RNGTT: variants seen among roughly 807,000 people sequenced by gnomAD.
RNGTT encodes RNA guanylyltransferase and 5'-phosphatase, also known as mRNA-capping enzyme.
A neutral mutation model predicts 79.3 loss-of-function variants in RNGTT; 33 were observed. The observed-to-expected ratio is 0.42, with a 90% CI of 0.32 to 0.56. RNGTT has a LOEUF of 0.56. RNGTT is among the 20% of genes least tolerant of loss of function. The pLI is 0.17. For missense variants in RNGTT, 497 were observed against 739.1 expected (o/e 0.67, Z 3.80); for synonymous variants, 222 against 235.9 (o/e 0.94, Z 0.54).
At chr6:88,819,343 C>A (rs1314233531) in intron 11 of RNGTT, among the ~76,000 whole-genome samples, 1 of 151,836 alleles carries the variant, frequency 6.6e-6, no homozygotes. Context: ...AAAGGCAAGG[C>A]GGGGCTCATG....
At chr6:88,961,569 T>C (rs1181984993) in intron 1 of RNGTT, among the ~76,000 whole-genome samples, 8 of 152,238 alleles carry the variant, frequency 5.3e-5, no homozygotes, top group African/African-American at 1.9e-4. Context: ...CCCGAGTAGC[T>C]GGGATTACAG....
intron 14 of RNGTT, among the ~76,000 whole-genome samples, chr6:88,630,517 C>T (rs1362087856): frequency 6.6e-6 from 1 of 152,200 alleles, no homozygotes; most frequent in Non-Finnish European, 1.5e-5. Flanking sequence ...TTAACTATCA[C>T]ACAGCCTGGA....
intron 14 of RNGTT, among the ~76,000 whole-genome samples, chr6:88,662,586 T>C (rs1374211973): frequency 6.6e-6 from 1 of 152,238 alleles, no homozygotes; most frequent in Non-Finnish European, 1.5e-5. Flanking sequence ...CAACCATTCC[T>C]GCTACATTTC....
At chr6:88,843,836 A>T (rs573515700) in intron 11 of RNGTT, among the ~76,000 whole-genome samples, 1 of 151,180 alleles carries the variant, frequency 6.6e-6, no homozygotes, top group Non-Finnish European at 1.5e-5. Flanking sequence ...GATTACAGGC[A>T]TGAGCCACCG....
At position 88,809,877 on chromosome 6, in the gene RNGTT, T is replaced by A. The variant is rs576503893; in HGVS notation, c.1270-8245A>T. Among the ~76,000 whole-genome samples the A allele has an allele frequency of 2.4e-4, 37 of 151,088 alleles. No individual in the cohort carries two copies. The East Asian group carries it at 6.4e-3, about 26-fold the overall frequency. ...CAGCCTGGGCAACATAGTGAGACCC[T>A]GTCTCTACAAAAAATTTAAAAAGTA... On this transcript the variant is annotated intron_variant, in intron 11 of 15. Coordinates refer to ENST00000369485, the MANE Select transcript of RNGTT (RefSeq NM_003800.5).
intron 13 of RNGTT, among the ~76,000 whole-genome samples, chr6:88,725,127 G>A (rs569304833): frequency 1.4e-4 from 21 of 152,266 alleles, no homozygotes; most frequent in African/African-American, 4.6e-4. Context: ...TAACAATTCC[G>A]GGGCTGGCCG....
intron 15 of RNGTT, 76 bp from the exon 16 acceptor site, chr6:88,612,958 T>C (rs1772088662): frequency 7.4e-7 from 1 of 1,345,998 alleles, no homozygotes; most frequent in Non-Finnish European, 1.0e-6. Flanking sequence ...ATGAGAAAGG[T>C]TTTCATCCCA....
At chr6:88,710,432 G>A (rs906809155) in intron 13 of RNGTT, among the ~76,000 whole-genome samples, 5 of 152,274 alleles carry the variant, frequency 3.3e-5, no homozygotes, top group South Asian at 4.1e-4. Flanking sequence ...GAAAGGGAAC[G>A]AAATATAACA....
intron 14 of RNGTT, among the ~76,000 whole-genome samples, chr6:88,657,222 G>T (rs1774013245): frequency 6.6e-6 from 1 of 152,192 alleles, no homozygotes; most frequent in Non-Finnish European, 1.5e-5. Context: ...CAGGGGAAAA[G>T]TCTGCTTCTG....
chr6:88,767,678 CAAAAAAAAAAA>C (rs58712575), intron 13 of RNGTT, among the ~76,000 whole-genome samples: 69 of 83,508 alleles, frequency 8.3e-4, no homozygotes, highest in South Asian at 2.7e-3. Context: ...TCACTTGTGT[CAAAAAAAAAAA>C]AAAAAAAAAA....
Position 88,929,033 on chromosome 6 carries a change from T to C in RNGTT, c.319A>G (p.Ile107Val), listed in dbSNP as rs763794919. The change falls in exon 4 of 16, where the codon ATT becomes GTT. Residue 107 changes from isoleucine to valine, a missense_variant. Physicochemically the swap from Ile to Val is conservative, Grantham distance 29 (BLOSUM62 3). Coordinates refer to ENST00000369485, the MANE Select transcript of RNGTT (RefSeq NM_003800.5). Reference sequence around the variant, plus strand: ...TCATTAAACCGCTCACACAGACGAATAAAGGTCTCAGTATTCTCAGTGGTA... The same window carrying C: ...TCATTAAACCGCTCACACAGACGAACAAAGGTCTCAGTATTCTCAGTGGTA... Reference protein sequence around the residue: ...CPTTENTETFIRLCERFNERN... With the variant: ...CPTTENTETFVRLCERFNERN... 65 of 1,613,180 alleles carry C rather than the reference T, an allele frequency of 4.0e-5. No homozygotes were observed. The highest frequency in any genetic ancestry group is 4.8e-5 in the Non-Finnish European group (57 of 1,179,654).
rs73752987 is a variant in RNGTT, at chr6:88,647,207, G to A, written c.1506+31146C>T. ...TTAACATGGAGACACACTGAAAGAA[G>A]TGTTTAATGGTAATAGTATGCTACA... is the stretch of plus-strand genomic sequence containing the variant. On this transcript the variant is annotated intron_variant, in intron 14 of 15. Coordinates refer to ENST00000369485, the MANE Select transcript of RNGTT (RefSeq NM_003800.5). Among the ~76,000 whole-genome samples the A allele has an allele frequency of 2.7e-3, 413 of 152,210 alleles. 3 individuals carry two copies. The highest frequency in any genetic ancestry group is 9.7e-3 in the African/African-American group (401 of 41,524).
intron 14 of RNGTT, among the ~76,000 whole-genome samples, chr6:88,664,500 C>T (rs1053138603): frequency 1.3e-5 from 2 of 152,228 alleles, no homozygotes; most frequent in East Asian, 1.9e-4. Context: ...CAGAGAGAGC[C>T]GCAAAGAAGG....
chr6:88,808,254 A>G (rs560742179), intron 11 of RNGTT, among the ~76,000 whole-genome samples: 1 of 152,324 alleles, frequency 6.6e-6, no homozygotes, highest in African/African-American at 2.4e-5. Flanking sequence ...ATATGTAAAA[A>G]CAAATTGTAT....
intron 14 of RNGTT, among the ~76,000 whole-genome samples, chr6:88,654,278 G>A (rs1773898077): frequency 6.6e-6 from 1 of 152,130 alleles, no homozygotes; most frequent in African/African-American, 2.4e-5. Context: ...ATGAAACACT[G>A]AAAATTTTCC....
chr6:88,678,781 G>A (rs1402829180), intron 13 of RNGTT, among the ~76,000 whole-genome samples: 1 of 152,086 alleles, frequency 6.6e-6, no homozygotes, highest in South Asian at 2.1e-4. Context: ...GCAATATAAC[G>A]AGACCCCATC....
At chr6:88,826,860 AT>A in intron 11 of RNGTT, among the ~76,000 whole-genome samples, 1 of 146,800 alleles carries the variant, frequency 6.8e-6, no homozygotes, top group East Asian at 2.0e-4. Flanking sequence ...GTGTGTATAT[AT>A]ATATATATAA....
At chr6:88,846,131 C>A (rs1781474810) in intron 10 of RNGTT, among the ~76,000 whole-genome samples, 1 of 152,174 alleles carries the variant, frequency 6.6e-6, no homozygotes, top group Non-Finnish European at 1.5e-5. Flanking sequence ...ACCTTCAAAT[C>A]CACAATGCCT....
intron 14 of RNGTT, among the ~76,000 whole-genome samples, chr6:88,625,415 T>C (rs1772590101): frequency 6.6e-6 from 1 of 151,988 alleles, no homozygotes; most frequent in Non-Finnish European, 1.5e-5. Flanking sequence ...TAGTAAACTA[T>C]TGATAAATAC....
Sources: gnomAD v4.1 joint callset for allele counts (sites outside exome capture counted in the v4.1 genomes callset) on GRCh38, gnomAD v4.1.1 for gene constraint, MANE v1.5 for transcripts, NCBI Gene and HGNC (gene_info 2026-07-23, HGNC 2026-07-21) for gene names.